Variants in MDGA2 observed in about 807,000 individuals in gnomAD.
MDGA2 encodes the protein MAM domain-containing glycosylphosphatidylinositol anchor protein 2.
In MDGA2, 40 loss-of-function variants were observed where a neutral mutation model predicts 117.8. The observed-to-expected ratio is 0.34, with a 90% confidence interval of 0.26 to 0.44. The LOEUF (loss-of-function observed/expected upper bound fraction) is 0.44. Among genes scored for constraint, MDGA2 ranks in the 20% least tolerant of loss-of-function variants. MDGA2 has a pLI of 1.00. For missense variants in MDGA2, 1,123 were observed against 1,250.6 expected (o/e 0.90, Z 1.54); for synonymous variants, 452 against 439.0 (o/e 1.03, Z -0.37).
At chr14:47,389,343 A>C (rs1891835916) in intron 1 of MDGA2, among the ~76,000 whole-genome samples, 1 of 152,178 alleles carries the variant, frequency 6.6e-6, no homozygotes, top group Non-Finnish European at 1.5e-5. Flanking sequence ...ATTAAATAAC[A>C]AAAAGTCCCC....
chr14:47,595,572 C>T (rs1267698906), intron 1 of MDGA2, among the ~76,000 whole-genome samples: 1 of 137,782 alleles, frequency 7.3e-6, no homozygotes, highest in Non-Finnish European at 1.6e-5. Flanking sequence ...AAAAAAAAAA[C>T]CCAGCAACCC....
At chr14:47,551,346 G>T (rs1594912838) in intron 1 of MDGA2, among the ~76,000 whole-genome samples, 1 of 152,064 alleles carries the variant, frequency 6.6e-6, no homozygotes. Context: ...TTTGCCTGGG[G>T]ATAAACACTT....
intron 1 of MDGA2, among the ~76,000 whole-genome samples, chr14:47,371,812 T>C (rs1427527984): frequency 6.6e-6 from 1 of 151,818 alleles, no homozygotes; most frequent in Admixed American, 6.6e-5. Flanking sequence ...TGTTATAACA[T>C]CATACAAATC....
chr14:47,586,679 GT>G (rs2138850609), intron 1 of MDGA2, among the ~76,000 whole-genome samples: 1 of 151,992 alleles, frequency 6.6e-6, no homozygotes, highest in African/African-American at 2.4e-5. Flanking sequence ...GGGTATGTCT[GT>G]CCCCAAGCAT....
chr14:47,139,859 C>CAT (rs1192479211), intron 4 of MDGA2, among the ~76,000 whole-genome samples: 25 of 137,744 alleles, frequency 1.8e-4, no homozygotes, highest in South Asian at 4.5e-4. Context: ...TATATATACA[C>CAT]ATATATATAT....
At chr14:47,022,990 G>A (rs1468387240) in intron 8 of MDGA2, among the ~76,000 whole-genome samples, 1 of 152,054 alleles carries the variant, frequency 6.6e-6, no homozygotes, top group Non-Finnish European at 1.5e-5. Flanking sequence ...TCGCGTCTCT[G>A]TAGTTAATCT....
chr14:46,940,965 A>G (rs896048249), intron 9 of MDGA2, among the ~76,000 whole-genome samples: 1 of 152,194 alleles, frequency 6.6e-6, no homozygotes, highest in Non-Finnish European at 1.5e-5. Context: ...AAAACATATA[A>G]CTTGAGTTAA....
At chr14:47,503,695 C>T (rs541835451) in intron 1 of MDGA2, among the ~76,000 whole-genome samples, 119 of 152,240 alleles carry the variant, frequency 7.8e-4, no homozygotes, top group African/African-American at 2.7e-3. Flanking sequence ...TGAGCCACTG[C>T]GCCCGGCCTC....
intron 1 of MDGA2, among the ~76,000 whole-genome samples, chr14:47,587,011 G>A (rs1030835297): frequency 1.6e-4 from 25 of 151,768 alleles, no homozygotes; most frequent in African/African-American, 5.8e-4. Context: ...TTTTGGTCAC[G>A]CAGCTGAATT....
At chr14:47,156,769 C>T (rs7151881) in intron 3 of MDGA2, among the ~76,000 whole-genome samples, 4,214 of 152,186 alleles carry the variant, frequency 0.028, 174 homozygotes, top group African/African-American at 0.096. Flanking sequence ...TCTTAAAAAT[C>T]CTATACAGAA....
chr14:47,032,512 G>A (rs75525279), intron 8 of MDGA2, among the ~76,000 whole-genome samples: 21,758 of 152,016 alleles, frequency 0.14, 1,743 homozygotes, highest in South Asian at 0.26. Flanking sequence ...GGTTGAGCCC[G>A]ATTTTACTGA....
chr14:46,857,249 A>G (rs1217985873), intron 14 of MDGA2, among the ~76,000 whole-genome samples: 3 of 152,192 alleles, frequency 2.0e-5, no homozygotes, highest in Non-Finnish European at 4.4e-5. Flanking sequence ...TATGAGTTAC[A>G]ATCTGGCACC....
At chr14:46,919,758 C>T (rs1884052066) in intron 10 of MDGA2, among the ~76,000 whole-genome samples, 2 of 152,196 alleles carry the variant, frequency 1.3e-5, no homozygotes, top group South Asian at 4.2e-4. Flanking sequence ...TTAGAAGGCT[C>T]AAAGGCTGTC....
chr14:47,040,908 A>G (rs1423823773), intron 7 of MDGA2, among the ~76,000 whole-genome samples: 4 of 152,178 alleles, frequency 2.6e-5, no homozygotes, highest in Non-Finnish European at 4.4e-5. Context: ...TGTTTGGCAC[A>G]GATAAGAAAG....
chr14:47,318,822 G>GAAGC lies in MDGA2; in HGVS notation c.281-17273_281-17272insGCTT, dbSNP rs758272475. Among the ~76,000 whole-genome samples the GAAGC allele has an allele frequency of 3.3e-3, 505 of 152,020 alleles. 4 individuals carry two copies. Among genetic ancestry groups the GAAGC allele is most frequent in the Middle Eastern group, 0.02 (6 of 294 alleles). ...GAAAGGGAGGAAAGAAGGAAGGAAGGAAGGAAGGAAATAGAGAAGTTAAAC... is the reference window on the plus strand; with the variant it reads ...GAAAGGGAGGAAAGAAGGAAGGAAGGAAGCAAGGAAGGAAATAGAGAAGTTAAAC... On this transcript the variant is annotated intron_variant, in intron 1 of 16. Coordinates refer to ENST00000399232, the MANE Select transcript of MDGA2 (RefSeq NM_001113498.3).
At chr14:47,124,636 G>C (rs1881807504) in intron 5 of MDGA2, among the ~76,000 whole-genome samples, 1 of 151,980 alleles carries the variant, frequency 6.6e-6, no homozygotes, top group Non-Finnish European at 1.5e-5. Context: ...AATCCTGTCT[G>C]TGTGACTGTA....
chr14:47,090,020 T>G (rs55972179), intron 6 of MDGA2, among the ~76,000 whole-genome samples: 48,069 of 152,004 alleles, frequency 0.32, 7,940 homozygotes, highest in African/African-American at 0.4. Flanking sequence ...TTAAGAACTT[T>G]TAATCATAAA....
chr14:47,455,486 A>T (rs1206038338), intron 1 of MDGA2, among the ~76,000 whole-genome samples: 1 of 152,184 alleles, frequency 6.6e-6, no homozygotes, highest in East Asian at 1.9e-4. Context: ...AGCCAGGATG[A>T]CACAGCAAGA....
chr14:46,933,764 C>T (rs921928807), intron 9 of MDGA2, among the ~76,000 whole-genome samples: 2 of 114,948 alleles, frequency 1.7e-5, no homozygotes, highest in Non-Finnish European at 3.7e-5. Flanking sequence ...CATTGTCCTA[C>T]AGAACTATAC....
Sources: allele counts gnomAD v4.1 joint callset (sites outside exome capture counted in the v4.1 genomes callset), GRCh38; gene constraint gnomAD v4.1.1; transcripts MANE v1.5; gene names NCBI Gene and HGNC (gene_info 2026-07-23, HGNC 2026-07-21).